Variants in ZNF875 observed in about 807,000 individuals in gnomAD.
ZNF875 encodes the protein zinc finger protein 875.
In ZNF875, 14 loss-of-function variants were observed where a neutral mutation model predicts 11.2. The ratio of observed to expected loss-of-function variants is 1.26; its 90% CI spans 0.83 to 1.96. The LOEUF (loss-of-function observed/expected upper bound fraction) is 1.96, where lower values mean the gene tolerates loss of function less well. Ranked by LOEUF, ZNF875 falls within the 30% of genes most tolerant of loss-of-function variation. ZNF875 has a pLI of 0.00. For synonymous variants in ZNF875, 301 were observed against 281.1 expected, an observed-to-expected ratio of 1.07 and a Z score of -0.71; for missense variants, 752 against 760.4, an observed-to-expected ratio of 0.99 and a Z score of 0.13.
Position 37,362,318 on chromosome 19 carries a change from C to CT in ZNF875, c.466_467insT (p.Gln156LeufsTer27). On this transcript the variant is annotated frameshift_variant, in exon 5 of 5. Transcript: ENST00000392153. LOFTEE classifies it low-confidence loss of function (END_TRUNC). Reference sequence around the variant, plus strand: ...CTTTAGTGGCAAAGCAGAATGGATTCAAGAGGGAGAAGACTCCAGACTCCT... The same window carrying CT: ...CTTTAGTGGCAAAGCAGAATGGATTCTAAGAGGGAGAAGACTCCAGACTCCT... 6.2e-7 allele frequency: 1 copy of CT among 1,614,048 alleles called. No individual in the cohort carries two copies. Among genetic ancestry groups the CT allele is most frequent in the Non-Finnish European group, 8.5e-7 (1 of 1,179,988 alleles).
chr19:37,339,553 T>G (rs1290687758), intron 2 of ZNF875, among the ~76,000 whole-genome samples: 1 of 147,328 alleles, frequency 6.8e-6, no homozygotes, highest in Non-Finnish European at 1.5e-5. Flanking sequence ...AGTTTTTTTT[T>G]TTTTTTTTTT....
chr19:37,334,492 C>G (rs1173399443), upstream of ZNF875: 3 of 321,744 alleles, frequency 9.3e-6, no homozygotes, highest in Non-Finnish European at 1.9e-5. Context: ...GGTTCGTAAA[C>G]TTGGTTGTGT....
chr19:37,342,537 C>G (rs903483237), intron 2 of ZNF875, among the ~76,000 whole-genome samples: 6 of 151,944 alleles, frequency 3.9e-5, no homozygotes, highest in South Asian at 2.1e-4. Context: ...CTCAGCCTCC[C>G]GAGTAGCTGG....
chr19:37,344,126 A>T (rs2036309454), intron 2 of ZNF875, among the ~76,000 whole-genome samples: 1 of 152,166 alleles, frequency 6.6e-6, no homozygotes, highest in African/African-American at 2.4e-5. Context: ...GTACTATTAT[A>T]ATATCGATTT....
chr19:37,343,352 GAATA>G (rs2036135574), intron 2 of ZNF875, among the ~76,000 whole-genome samples: 1 of 109,880 alleles, frequency 9.1e-6, no homozygotes, highest in Admixed American at 9.4e-5. Context: ...AAAAAATAAA[GAATA>G]AATAAAATAA....
chr19:37,333,533 A>T (rs1395092774), upstream of ZNF875, among the ~76,000 whole-genome samples: 2 of 152,152 alleles, frequency 1.3e-5, no homozygotes, highest in African/African-American at 4.8e-5. Flanking sequence ...TGGAGGGGGT[A>T]GGGTGTGAAG....
chr19:37,322,365 A>C (rs1050268435), intron 2 of ZNF875: 9 of 152,144 alleles, frequency 5.9e-5, no homozygotes, highest in African/African-American at 1.9e-4. Context: ...TTTACTATTC[A>C]TGAATTTAGA....
rs1157971778 is a variant in ZNF875, at chr19:37,362,662, C to A, written c.810C>A (p.Ile270=). Residue 270 remains isoleucine, a synonymous_variant, in exon 5 of 5, where the codon ATC becomes ATA. Transcript: ENST00000392153. ...GDSFGSMSVL[I]KNPRTHSGGK... ...GCTTTGGCAGTATGTCAGTCCTCAT[C>A]AAAAACCCAAGGACACACTCTGGGG... 1 of 1,612,752 alleles carries A rather than the reference C, an allele frequency of 6.2e-7. No homozygotes were observed. The highest frequency in any genetic ancestry group is 1.7e-5 in the Admixed American group (1 of 59,896).
intron 2 of ZNF875, among the ~76,000 whole-genome samples, chr19:37,335,990 C>T (rs959438287): frequency 1.4e-4 from 22 of 152,170 alleles, no homozygotes; most frequent in African/African-American, 4.1e-4. Flanking sequence ...TTACCGCAGT[C>T]ACTCATGAAG....
In ZNF875 at chr19:37,362,380, A is replaced by C; in HGVS notation, c.528A>C (p.Ala176=). The C allele has an allele frequency of 6.2e-7, 1 of 1,614,126 alleles. No homozygotes were observed. Among genetic ancestry groups the C allele is most frequent in the Non-Finnish European group, 8.5e-7 (1 of 1,180,030 alleles). The part of the protein sequence containing the change: ...GRVSKNGTSK[A]LSSPPEEQQP... ...TAAGCAAAAATGGCACTTCAAAGGCACTTTCCAGCCCACCTGAAGAACAAC... is the reference window on the plus strand; with the variant it reads ...TAAGCAAAAATGGCACTTCAAAGGCCCTTTCCAGCCCACCTGAAGAACAAC... Residue 176 remains alanine (A), a synonymous_variant, in exon 5 of 5, where the codon GCA becomes GCC. Transcript: ENST00000392153.
chr19:37,357,883 T>G, intron 4 of ZNF875: 1 of 398,272 alleles, frequency 2.5e-6, no homozygotes, highest in Non-Finnish European at 4.4e-6. Flanking sequence ...TCTTGCATGA[T>G]TGCTTTCTCT....
intron 2 of ZNF875, among the ~76,000 whole-genome samples, chr19:37,340,068 C>T (rs534736694): frequency 7.3e-5 from 11 of 151,204 alleles, no homozygotes; most frequent in Non-Finnish European, 1.2e-4. Flanking sequence ...CTGCAACCTC[C>T]GCCTCCCAGG....
intron 4 of ZNF875, among the ~76,000 whole-genome samples, chr19:37,329,365 G>A (rs1367602614): frequency 1.3e-5 from 2 of 152,180 alleles, no homozygotes; most frequent in Non-Finnish European, 2.9e-5. Context: ...ATCTACTGCT[G>A]CAGGCTATGG....
At chr19:37,322,365 A>G (rs1050268435) in intron 2 of ZNF875, 2 of 152,142 alleles carry the variant, frequency 1.3e-5, no homozygotes, top group Admixed American at 1.3e-4. Flanking sequence ...TTTACTATTC[A>G]TGAATTTAGA....
Position 37,362,952 on chromosome 19 carries a change from T to A in ZNF875, c.1100T>A (p.Val367Asp), listed in dbSNP as rs1346009649. The change falls in exon 5 of 5, where the codon GTT becomes GAT. Residue 367 changes from valine (V) to aspartate (D), a missense_variant. Coordinates refer to ENST00000392153, the MANE Select transcript of ZNF875 (RefSeq NM_001353803.2). ...GCGCACACTGGGGAGAAGCCTTATG[T>A]TTGCAGGGAATGTGGGCGTGGCTTT... Reference protein sequence around the residue: ...QRAHTGEKPYVCRECGRGFRQ... With the variant: ...QRAHTGEKPYDCRECGRGFRQ... 1 of 1,614,016 alleles carries A rather than the reference T, an allele frequency of 6.2e-7. No individual in the cohort carries two copies. Among genetic ancestry groups the A allele is most frequent in the Non-Finnish European group, 8.5e-7 (1 of 1,180,006 alleles).
At chr19:37,315,023 C>A (rs895943662), upstream of ZNF875, 1 of 152,146 alleles carries the variant, frequency 6.6e-6, no homozygotes, top group Non-Finnish European at 1.5e-5. Flanking sequence ...AAGTAAACCC[C>A]ATATCCCTCC....
intron 3 of ZNF875, 145 bp downstream of exon 3, chr19:37,347,461 T>C (rs1487356223): frequency 1.4e-6 from 1 of 737,608 alleles, no homozygotes; most frequent in Non-Finnish European, 2.2e-6. Flanking sequence ...AATCTGGATT[T>C]AGTAGAATTG....
chr19:37,345,107 C>G (rs964171416), intron 2 of ZNF875: 12 of 205,152 alleles, frequency 5.8e-5, no homozygotes, highest in Non-Finnish European at 1.1e-4. Context: ...CCCAGTGATT[C>G]ACAACCATCA....
At chr19:37,318,112 A>G (rs1435884394) in exon 1 of ZNF875, 1 of 154,328 alleles carries the variant, frequency 6.5e-6, no homozygotes, top group African/African-American at 2.4e-5. Context: ...CCATCCGTCC[A>G]CCGGACTCGT....
Sources: allele counts gnomAD v4.1 joint callset (sites outside exome capture counted in the v4.1 genomes callset), GRCh38; gene constraint gnomAD v4.1.1; transcripts MANE v1.5; gene names NCBI Gene and HGNC (gene_info 2026-07-23, HGNC 2026-07-21).